Variants in TULP4 observed in about 807,000 individuals in gnomAD.
The protein encoded by TULP4 is tubby-related protein 4.
A neutral mutation model predicts 129.0 loss-of-function variants in TULP4; 16 were observed. The ratio of observed to expected loss-of-function variants is 0.12; its 90% confidence interval spans 0.08 to 0.19. The LOEUF is 0.19. Ranked by LOEUF, TULP4 falls within the 10% of genes least tolerant of loss-of-function variation. TULP4 has a pLI of 1.00. For synonymous variants in TULP4, 998 were observed against 854.0 expected (o/e 1.17, Z -2.94); for missense variants, 1,842 against 2,059.1 (o/e 0.89, Z 2.04).
intron 2 of TULP4, among the ~76,000 whole-genome samples, chr6:158,414,824 A>AT (rs1440010665): frequency 2.0e-5 from 3 of 152,272 alleles, no homozygotes; most frequent in South Asian, 2.1e-4. Context: ...TGAGTGCTTG[A>AT]TTTTTTCATG....
At chr6:158,444,799 C>A (rs1160644884) in intron 3 of TULP4, among the ~76,000 whole-genome samples, 4 of 152,018 alleles carry the variant, frequency 2.6e-5, no homozygotes, top group African/African-American at 9.7e-5. Context: ...ATGTGGATAT[C>A]ATTATTGCAT....
rs187365477 is a variant in TULP4 at position 158,253,970 on chromosome 6, C to T, written n.68+21667C>T. ...GGGAGAATTGCTTGAACCCAGGAGT[C>T]GGAGGTTGCAGTGAGCTGAGATTGC... On this transcript the variant is annotated intron_variant and non_coding_transcript_variant, in intron 1 of 1. Coordinates refer to the TULP4 transcript ENST00000620026. Among the ~76,000 whole-genome samples, 249 of 151,720 alleles carry T rather than the reference C, an allele frequency of 1.6e-3. 2 individuals carry two copies. The highest frequency in any genetic ancestry group is 5.4e-3 in the African/African-American group (224 of 41,354).
chr6:158,385,111 C>G (rs529336498), intron 1 of TULP4, among the ~76,000 whole-genome samples: 1 of 152,160 alleles, frequency 6.6e-6, no homozygotes, highest in African/African-American at 2.4e-5. Flanking sequence ...TGTAGGTTCC[C>G]GTTACTGAGT....
Position 158,494,841 on chromosome 6 carries a change from G to A in TULP4, c.1865G>A (p.Gly622Asp). ...GCTGCTTTCCTGCCAACCAACCTCG[G>A]TGCAGGTAAAAATCATGTCCTCTTC... ...GLAAFLPTNLGAVIYKTSLLH... is the reference protein window; with the variant it reads ...GLAAFLPTNLDAVIYKTSLLH... The change falls in exon 11 of 14, where the codon GGT becomes GAT. Residue 622 changes from glycine to aspartate, a missense_variant. Gly to Asp is a moderately conservative substitution (Grantham distance 94). Coordinates refer to ENST00000367097, the MANE Select transcript of TULP4 (RefSeq NM_020245.5). 1.2e-6 allele frequency: 2 copies of A among 1,614,018 alleles called. No homozygotes were observed. Among genetic ancestry groups the A allele is most frequent in the Non-Finnish European group, 1.7e-6 (2 of 1,179,924 alleles).
intron 2 of TULP4, among the ~76,000 whole-genome samples, chr6:158,415,156 A>G (rs1041278846): frequency 6.6e-6 from 1 of 152,192 alleles, no homozygotes; most frequent in Admixed American, 6.5e-5. Flanking sequence ...AAAAATTTCT[A>G]TCACCTAGTG....
chr6:158,414,596 A>G (rs1169352347), intron 2 of TULP4, among the ~76,000 whole-genome samples: 4 of 152,204 alleles, frequency 2.6e-5, no homozygotes, highest in Non-Finnish European at 5.9e-5. Context: ...GCCTTGAGGT[A>G]GCAGCTTTTC....
chr6:158,349,642 G>A (rs542660236), intron 1 of TULP4, among the ~76,000 whole-genome samples: 3 of 138,454 alleles, frequency 2.2e-5, no homozygotes, highest in East Asian at 2.2e-4. Flanking sequence ...ACGGGGTAGC[G>A]GCTAGGCAGA....
rs11373437 is a variant in TULP4, at chr6:158,363,062, C to CAAAAAAA, written c.252+48810_252+48816dup. On this transcript the variant is annotated intron_variant, in intron 1 of 13. Transcript: ENST00000367097. ...GGGGGGACAGAGCGAGACTCCATCT[C>CAAAAAAA]AAAAAAAAAAAAAAAAAAAAAAGTC... is the stretch of plus-strand genomic sequence containing the variant. Among the ~76,000 whole-genome samples, 3 of 88,000 alleles carry CAAAAAAA rather than the reference C, an allele frequency of 3.4e-5. 1 individual carries two copies. Among genetic ancestry groups the CAAAAAAA allele is most frequent in the African/African-American group, 1.4e-4 (3 of 21,864 alleles). 57.7% of individuals were successfully genotyped at this position (88,000 alleles called of 152,430 possible). A position where few individuals can be genotyped will look rare whatever the true frequency, so the allele number is the denominator to read the frequency against.
intron 1 of TULP4, among the ~76,000 whole-genome samples, chr6:158,337,035 T>C (rs908129069): frequency 2.3e-3 from 62 of 26,682 alleles, no homozygotes; most frequent in Admixed American, 4.8e-3. Flanking sequence ...CTTTCTTTCT[T>C]TTTCTTTCTT....
At chr6:158,351,574 G>T (rs763425484) in intron 1 of TULP4, among the ~76,000 whole-genome samples, 3 of 152,090 alleles carry the variant, frequency 2.0e-5, no homozygotes, top group Non-Finnish European at 4.4e-5. Context: ...TAGTGGATTT[G>T]CTCCCTTTTA....
At chr6:158,442,816 T>G (rs1369436399) in intron 3 of TULP4, among the ~76,000 whole-genome samples, 5 of 47,470 alleles carry the variant, frequency 1.1e-4, no homozygotes, top group Non-Finnish European at 2.8e-4. Flanking sequence ...AAATGGTTGG[T>G]TTTTTTTTTT....
Position 158,313,814 on chromosome 6 carries a change from T to A in TULP4, c.-203T>A, listed in dbSNP as rs922113985. The A allele has an allele frequency of 1.7e-6, 1 of 584,972 alleles. No homozygotes were observed. The highest frequency in any genetic ancestry group is 3.3e-5 in the Admixed American group (1 of 30,518). The allele number at this position is 584,972 out of a possible 1,614,324, so 36.2% of individuals were successfully genotyped here. On this transcript the variant is annotated 5_prime_UTR_variant, in exon 1 of 14. Transcript: ENST00000367097. Reference sequence around the variant, plus strand: ...TTTTCTTAGAAGACTGCCATCATCTTTTATAGAGGAATTTTTTCACTATGC... The same window carrying A: ...TTTTCTTAGAAGACTGCCATCATCTATTATAGAGGAATTTTTTCACTATGC...
chr6:158,360,379 C>T (rs1313276203), intron 1 of TULP4, among the ~76,000 whole-genome samples: 2 of 152,204 alleles, frequency 1.3e-5, no homozygotes, highest in Admixed American at 6.5e-5. Flanking sequence ...TCATCTTGTT[C>T]TGGGTTGGCA....
chr6:158,496,251 G>A (rs9355656), intron 11 of TULP4, among the ~76,000 whole-genome samples: 40,010 of 152,200 alleles, frequency 0.26, 6,450 homozygotes, highest in East Asian at 0.52. Flanking sequence ...CATTTTGAGC[G>A]TGCTGTGCGT....
chr6:158,290,874 C>CG (rs1426542758), intron 1 of TULP4, among the ~76,000 whole-genome samples: 1 of 152,156 alleles, frequency 6.6e-6, no homozygotes, highest in Non-Finnish European at 1.5e-5. Context: ...AAACTGAAAC[C>CG]GGCAGCCTGG....
At chr6:158,267,885 A>C (rs1242770673) in intron 1 of TULP4, among the ~76,000 whole-genome samples, 2 of 152,116 alleles carry the variant, frequency 1.3e-5, no homozygotes, top group African/African-American at 4.8e-5. Flanking sequence ...CTTTTCTATC[A>C]GTCGAATCCC....
At position 158,493,610 on chromosome 6, in the gene TULP4, C is replaced by G; in HGVS notation, c.1669C>G (p.Arg557Gly). 6.3e-7 allele frequency: 1 copy of G among 1,582,656 alleles called. No individual in the cohort carries two copies. Among genetic ancestry groups the G allele is most frequent in the Non-Finnish European group, 8.6e-7 (1 of 1,164,754 alleles). ...GGCCCGCAAGTCACCCAAGCTGCCCCGGGCTGCTCAGGAGCTCTCCCGGTC... is the reference window on the plus strand; with the variant it reads ...GGCCCGCAAGTCACCCAAGCTGCCCGGGGCTGCTCAGGAGCTCTCCCGGTC... The part of the protein sequence containing the change: ...IEARKSPKLP[R>G]AAQELSRSPR... The change falls in exon 10 of 14, where the codon CGG becomes GGG. Residue 557 changes from arginine (R) to glycine (G), a missense_variant. Coordinates refer to ENST00000367097, the MANE Select transcript of TULP4 (RefSeq NM_020245.5). This position sits in a 1 kb window ranked among gnomAD's most constrained non-coding sequence, Gnocchi z 4.4.
At chr6:158,433,814 A>G (rs1030682871) in intron 3 of TULP4, among the ~76,000 whole-genome samples, 3 of 152,250 alleles carry the variant, frequency 2.0e-5, no homozygotes, top group Admixed American at 2.0e-4. Context: ...CTTCCATTAA[A>G]TTGCAAGAAG....
intron 1 of TULP4, among the ~76,000 whole-genome samples, chr6:158,349,831 C>CA (rs1780456222): frequency 3.8e-5 from 5 of 130,610 alleles, no homozygotes; most frequent in Non-Finnish European, 8.1e-5. Context: ...CCAGATGGGG[C>CA]GGCCGGGCAG....
Sources: gnomAD v4.1 joint callset for allele counts (sites outside exome capture counted in the v4.1 genomes callset) on GRCh38, gnomAD v4.1.1 for gene constraint, Gnocchi (gnomAD v3.1) non-coding constraint, MANE v1.5 for transcripts, NCBI Gene and HGNC (gene_info 2026-07-23, HGNC 2026-07-21) for gene names.